Variants in CADM1 observed in about 807,000 individuals in gnomAD.
CADM1 encodes the protein cell adhesion molecule 1.
A neutral mutation model predicts 53.1 loss-of-function variants in CADM1; 15 were observed. The ratio of observed to expected loss-of-function variants is 0.28; its 90% confidence interval spans 0.19 to 0.44. CADM1 has a LOEUF of 0.44. CADM1 is among the 20% of genes least tolerant of loss of function. The probability of loss-of-function intolerance (pLI) is 1.00; values close to 1 mark genes in which losing one functional copy is unlikely to be tolerated. For missense variants in CADM1, 434 were observed against 611.3 expected (o/e 0.71, Z 3.06); for synonymous variants, 281 against 243.0 (o/e 1.16, Z -1.45).
rs1249048417 is a variant in CADM1 at position 115,308,167 on chromosome 11, GTGTGTGTGTA to G, written c.125-67757_125-67748del. 3.9e-4 allele frequency among the ~76,000 whole-genome samples: 55 copies of G among 141,662 alleles called. 1 individual carries two copies. The highest frequency in any genetic ancestry group is 1.3e-3 in the South Asian group (6 of 4,566). 92.9% of individuals were successfully genotyped at this position (141,662 alleles called of 152,430 possible). On this transcript the variant is annotated intron_variant, in intron 1 of 11. Transcript: ENST00000331581. ...TGTGTGTGTGTGTGTGTGTGTGTGT[GTGTGTGTGTA>G]TATCACTCATAGGTGTGTATATATA...
chr11:115,266,233 A>G (rs1024915273), intron 1 of CADM1, among the ~76,000 whole-genome samples: 9 of 152,226 alleles, frequency 5.9e-5, no homozygotes, highest in Non-Finnish European at 1.2e-4. Context: ...AACAAAGGTA[A>G]TATTACTCAG....
At position 115,175,116 on chromosome 11, in the gene CADM1, T is replaced by C. The variant is rs1291990254; in HGVS notation, c.*1358A>G. 2.0e-6 allele frequency: 2 copies of C among 985,792 alleles called. No homozygotes were observed. Among genetic ancestry groups the C allele is most frequent in the Non-Finnish European group, 2.4e-6 (2 of 829,922 alleles). 61.1% of individuals were successfully genotyped at this position (985,792 alleles called of 1,614,324 possible). A position where few individuals can be genotyped will look rare whatever the true frequency, so the allele number is the denominator to read the frequency against. On this transcript the variant is annotated 3_prime_UTR_variant, in exon 12 of 12. Transcript: ENST00000331581. ...GGTAAAAAGATAAAAACACTCACAT[T>C]TGAGTTTTGATTAAGTAACTGAAAA...
intron 1 of CADM1, among the ~76,000 whole-genome samples, chr11:115,352,305 AATG>A (rs1416184476): frequency 6.6e-6 from 1 of 152,188 alleles, no homozygotes; most frequent in Admixed American, 6.5e-5. Context: ...GTCAGCACGG[AATG>A]ATGATTCTAA....
At chr11:115,407,001 A>C (rs1055923846) in intron 1 of CADM1, among the ~76,000 whole-genome samples, 5 of 152,054 alleles carry the variant, frequency 3.3e-5, no homozygotes, top group Admixed American at 6.6e-5. Flanking sequence ...ATGCCCCCAC[A>C]GTTGAAGCAT....
intron 1 of CADM1, among the ~76,000 whole-genome samples, chr11:115,242,338 A>G (rs1202735491): frequency 7.0e-6 from 1 of 143,792 alleles, no homozygotes; most frequent in Non-Finnish European, 1.5e-5. Flanking sequence ...GGTGATCAGA[A>G]AAAAAAAAAA....
At chr11:115,414,727 T>C (rs1483877285) in intron 1 of CADM1, among the ~76,000 whole-genome samples, 3 of 54 alleles carry the variant, frequency 0.056, no homozygotes, top group South Asian at 0.5. Context: ...GCATTTGTCA[T>C]CCAACTTGTC....
At chr11:115,399,972 T>C (rs923773229) in intron 1 of CADM1, among the ~76,000 whole-genome samples, 2 of 152,278 alleles carry the variant, frequency 1.3e-5, no homozygotes, top group East Asian at 1.9e-4. Context: ...AAACTTTAAA[T>C]TTCCAGAAAT....
At chr11:115,199,097 T>G (rs1298598676) in intron 8 of CADM1, among the ~76,000 whole-genome samples, 3 of 152,170 alleles carry the variant, frequency 2.0e-5, no homozygotes, top group Non-Finnish European at 4.4e-5. Context: ...CAGATTAGTT[T>G]CTATACACAC....
intron 1 of CADM1, among the ~76,000 whole-genome samples, 186 bp downstream of exon 1, chr11:115,504,085 G>A (rs1486951721): frequency 6.6e-6 from 1 of 152,160 alleles, no homozygotes. Context: ...CCGGGCAGGG[G>A]AGAAGGGGCT....
chr11:115,477,497 T>TA (rs1193533411), intron 1 of CADM1, among the ~76,000 whole-genome samples: 1 of 152,192 alleles, frequency 6.6e-6, no homozygotes, highest in East Asian at 1.9e-4. Context: ...AACAGATCCA[T>TA]AAAATATATC....
In CADM1 at chr11:115,174,419, A is replaced by T; in HGVS notation, c.*2055T>A. The stretch of plus-strand genomic sequence containing the variant: ...CTAAGGGCTCGGAATAGAGCTGCAG[A>T]TTATAAAATTCATTGAAAAAGGGAT... On this transcript the variant is annotated 3_prime_UTR_variant, in exon 12 of 12. Transcript: ENST00000331581. 1.0e-6 allele frequency: 1 copy of T among 985,788 alleles called. No individual in the cohort carries two copies. 61.1% of individuals were successfully genotyped at this position (985,788 alleles called of 1,614,324 possible). A position where few individuals can be genotyped will look rare whatever the true frequency, so the allele number is the denominator to read the frequency against.
At chr11:115,375,845 A>G (rs967870222) in intron 1 of CADM1, among the ~76,000 whole-genome samples, 1 of 152,166 alleles carries the variant, frequency 6.6e-6, no homozygotes, top group Non-Finnish European at 1.5e-5. Flanking sequence ...AGTCTCTCGA[A>G]TAAGCTATAA....
chr11:115,227,943 A>T (rs1941673340), intron 5 of CADM1, among the ~76,000 whole-genome samples: 1 of 152,246 alleles, frequency 6.6e-6, no homozygotes, highest in African/African-American at 2.4e-5. Context: ...TGAATTTGGA[A>T]AAAAAGTCTT....
At chr11:115,400,735 T>C (rs1179139312) in intron 1 of CADM1, among the ~76,000 whole-genome samples, 2 of 138,856 alleles carry the variant, frequency 1.4e-5, no homozygotes, top group African/African-American at 5.4e-5. Context: ...TATATAAGCA[T>C]GTAAAAAGAT....
At chr11:115,392,591 C>T (rs1384314196) in intron 1 of CADM1, among the ~76,000 whole-genome samples, 2 of 152,124 alleles carry the variant, frequency 1.3e-5, no homozygotes, top group Non-Finnish European at 1.5e-5. Context: ...AAAACAACCT[C>T]GCTGACAGCA....
chr11:115,454,002 G>C (rs1034105862), intron 1 of CADM1, among the ~76,000 whole-genome samples: 4 of 150,952 alleles, frequency 2.6e-5, no homozygotes, highest in Non-Finnish European at 5.9e-5. Flanking sequence ...TGAGAATAGA[G>C]ATGAAAGAGA....
intron 1 of CADM1, among the ~76,000 whole-genome samples, chr11:115,408,567 C>A (rs974886146): frequency 6.6e-6 from 1 of 152,210 alleles, no homozygotes; most frequent in African/African-American, 2.4e-5. Context: ...GATATGCCCC[C>A]ATCCCAATCC....
intron 1 of CADM1, among the ~76,000 whole-genome samples, chr11:115,291,502 G>C (rs537037892): frequency 6.6e-6 from 1 of 152,140 alleles, no homozygotes; most frequent in East Asian, 1.9e-4. Context: ...CCTAGCAAAC[G>C]GGAGCTCATT....
At chr11:115,231,545 C>G (rs1941814807) in intron 3 of CADM1, 55 bp from the exon 4 acceptor site, 1 of 1,558,046 alleles carries the variant, frequency 6.4e-7, no homozygotes, top group Non-Finnish European at 8.9e-7. Context: ...TGCATTGTTG[C>G]TATCAAAAAG....
Sources: gnomAD v4.1 joint callset for allele counts (sites outside exome capture counted in the v4.1 genomes callset) on GRCh38, gnomAD v4.1.1 for gene constraint, MANE v1.5 for transcripts, NCBI Gene and HGNC (gene_info 2026-07-23, HGNC 2026-07-21) for gene names.